Variants in MYCBP2 observed in about 807,000 individuals in gnomAD.
The protein encoded by MYCBP2 is MYC binding protein 2, also known as E3 ubiquitin-protein ligase MYCBP2.
A neutral mutation model predicts 525.3 loss-of-function variants in MYCBP2; 120 were observed. That is an observed-to-expected ratio of 0.23 (90% CI 0.20 to 0.27). The LOEUF (loss-of-function observed/expected upper bound fraction) is 0.27, where lower values mean the gene tolerates loss of function less well. Ranked by LOEUF, MYCBP2 falls within the 10% of genes least tolerant of loss-of-function variation. MYCBP2 has a pLI of 1.00. For missense variants in MYCBP2, 4,149 were observed against 5,657.1 expected, an observed-to-expected ratio of 0.73 and a Z score of 8.55; for synonymous variants, 1,894 against 1,955.8, an observed-to-expected ratio of 0.97 and a Z score of 0.83.
intron 30 of MYCBP2, among the ~76,000 whole-genome samples, chr13:77,186,600 T>A (rs1486938360): frequency 6.6e-6 from 1 of 152,128 alleles, no homozygotes; most frequent in Non-Finnish European, 1.5e-5. Flanking sequence ...AAAAATTGAC[T>A]AGAAAATACT....
chr13:77,061,713 G>A lies in MYCBP2; in HGVS notation c.12852C>T (p.Asp4284=). The change falls in exon 75 of 83, where the codon GAC becomes GAT. Residue 4284 remains aspartate (D), a synonymous_variant. Transcript: ENST00000544440. ...LCNVCGNLCT[D]CDRFLHLHRR... is the part of the protein sequence containing the mutation. ...GATGAAGGTGAAGGAATCTGTCACA[G>A]TCTGTACATAAATTTCCACAGACAT... 1 of 1,612,526 alleles carries A rather than the reference G, an allele frequency of 6.2e-7. No homozygotes were observed. The highest frequency in any genetic ancestry group is 8.5e-7 in the Non-Finnish European group (1 of 1,179,440).
intron 62 of MYCBP2, among the ~76,000 whole-genome samples, chr13:77,083,890 G>A (rs182169955): frequency 1.8e-4 from 27 of 152,194 alleles, no homozygotes; most frequent in Middle Eastern, 3.4e-3. Context: ...TCTATTACCA[G>A]TTTCTTGGAC....
At position 77,068,648 on chromosome 13, in the gene MYCBP2, G is replaced by A. The variant is rs758703930; in HGVS notation, c.12088C>T (p.Arg4030Trp). ...VLALSGSNVGRQYLAQQLTLL... is the reference protein window; with the variant it reads ...VLALSGSNVGWQYLAQQLTLL... ...GTTAGCTGTTGAGCCAGATATTGCC[G>A]GCCAACGTTAGAGCCACTCAGTGCT... is the stretch of plus-strand genomic sequence containing the variant. The change falls in exon 70 of 83, where the codon CGG becomes TGG. Residue 4030 changes from arginine (R) to tryptophan (W), a missense_variant. Arg to Trp is a moderately radical substitution (Grantham distance 101). Transcript: ENST00000544440. 2.5e-6 allele frequency: 4 copies of A among 1,614,102 alleles called. No individual in the cohort carries two copies. Among genetic ancestry groups the A allele is most frequent in the Admixed American group, 1.7e-5 (1 of 60,006 alleles).
intron 1 of MYCBP2, 96 bp from the exon 2 acceptor site, chr13:77,296,770 A>T (rs2078234313): frequency 1.0e-6 from 1 of 997,462 alleles, no homozygotes; most frequent in Non-Finnish European, 1.4e-6. Context: ...AGACATTTGG[A>T]TCTTTTTCTT....
chr13:77,298,659 T>C (rs765578318), intron 1 of MYCBP2, among the ~76,000 whole-genome samples: 2 of 152,212 alleles, frequency 1.3e-5, no homozygotes, highest in Non-Finnish European at 2.9e-5. Context: ...CATGAGTGCA[T>C]TTAAAGCATC....
At chr13:77,223,130 C>T (rs2065818979) in intron 20 of MYCBP2, among the ~76,000 whole-genome samples, 1 of 152,186 alleles carries the variant, frequency 6.6e-6, no homozygotes, top group African/African-American at 2.4e-5. Flanking sequence ...CTACAGAGAG[C>T]AGAGTTAACT....
chr13:77,202,154 A>G (rs971049331), intron 26 of MYCBP2, among the ~76,000 whole-genome samples: 3 of 152,242 alleles, frequency 2.0e-5, no homozygotes, highest in Non-Finnish European at 4.4e-5. Context: ...CAAGACTAAT[A>G]AAGAAAAAAA....
chr13:77,108,081 GAAC>G (rs1429123757), intron 55 of MYCBP2, among the ~76,000 whole-genome samples: 1 of 152,012 alleles, frequency 6.6e-6, no homozygotes, highest in African/African-American at 2.4e-5. Flanking sequence ...TAGAATGAAA[GAAC>G]AACATTTTAA....
At chr13:77,167,691 C>T (rs1310530369) in intron 40 of MYCBP2, among the ~76,000 whole-genome samples, 1 of 152,070 alleles carries the variant, frequency 6.6e-6, no homozygotes, top group African/African-American at 2.4e-5. Flanking sequence ...ATTTTGGAGA[C>T]ATTGTATCAA....
intron 55 of MYCBP2, among the ~76,000 whole-genome samples, chr13:77,105,602 A>T (rs762389281): frequency 1.3e-5 from 2 of 151,944 alleles, no homozygotes; most frequent in Non-Finnish European, 2.9e-5. Context: ...AGATACATTG[A>T]TATCTATACA....
At chr13:77,116,938 C>T (rs1170456243) in intron 55 of MYCBP2, among the ~76,000 whole-genome samples, 1 of 151,966 alleles carries the variant, frequency 6.6e-6, no homozygotes, top group Non-Finnish European at 1.5e-5. Flanking sequence ...CTTTTGTCTG[C>T]TACTGCTATG....
intron 55 of MYCBP2, among the ~76,000 whole-genome samples, chr13:77,102,854 C>T (rs1283071529): frequency 1.3e-5 from 2 of 151,676 alleles, no homozygotes; most frequent in African/African-American, 4.8e-5. Context: ...TGCTTTATGC[C>T]TTGCACATAT....
At chr13:77,168,846 T>A (rs997613762) in intron 39 of MYCBP2, among the ~76,000 whole-genome samples, 200 bp from the exon 40 acceptor site, 23 of 152,250 alleles carry the variant, frequency 1.5e-4, no homozygotes, top group African/African-American at 4.6e-4. Flanking sequence ...TCTAAATCTA[T>A]ATTTTTAAAA....
chr13:77,300,757 G>T (rs2078697413), intron 1 of MYCBP2, among the ~76,000 whole-genome samples: 1 of 152,198 alleles, frequency 6.6e-6, no homozygotes, highest in Non-Finnish European at 1.5e-5. Flanking sequence ...TAAAGTAAGT[G>T]ATTAGATAGG....
intron 55 of MYCBP2, chr13:77,099,280 C>A: frequency 2.3e-6 from 1 of 438,626 alleles, no homozygotes; most frequent in Non-Finnish European, 4.1e-6. Context: ...TCAGTGATAT[C>A]TCAACCTCTG....
At chr13:77,206,925 G>A (rs1480235905) in intron 23 of MYCBP2, 100 bp from the exon 24 acceptor site, 2 of 1,081,390 alleles carry the variant, frequency 1.8e-6, no homozygotes, top group East Asian at 5.4e-5. Flanking sequence ...AAATAATATA[G>A]TCAGCTTAAA....
At chr13:77,083,264 G>A in intron 62 of MYCBP2, 72 bp from the exon 63 acceptor site, 1 of 1,327,818 alleles carries the variant, frequency 7.5e-7, no homozygotes, top group Non-Finnish European at 1.0e-6. Flanking sequence ...AGACTATTAT[G>A]TATACTTAAA....
chr13:77,081,419 T>C lies in MYCBP2; in HGVS notation c.11418+8A>G, dbSNP rs1173903600. ...CTAAAGAGCCGTAAATCACGTTTGCTTTCTTACCCCAAGATCTCGGGAATT... is the reference window on the plus strand; with the variant it reads ...CTAAAGAGCCGTAAATCACGTTTGCCTTCTTACCCCAAGATCTCGGGAATT... On this transcript the variant is annotated splice_region_variant and intron_variant, in intron 65 of 82. Transcript: ENST00000544440. This position sits in a 1 kb window ranked among gnomAD's most constrained non-coding sequence, Gnocchi z 4.6. The C allele has an allele frequency of 6.2e-7, 1 of 1,609,496 alleles. No individual in the cohort carries two copies. Among genetic ancestry groups the C allele is most frequent in the Non-Finnish European group, 8.5e-7 (1 of 1,178,166 alleles).
At chr13:77,062,758 C>T (rs1484777587) in intron 73 of MYCBP2, 61 bp from the exon 74 acceptor site, 31 of 1,288,302 alleles carry the variant, frequency 2.4e-5, no homozygotes, top group South Asian at 6.0e-5. Flanking sequence ...GAAATGCTGA[C>T]TGTGACACAT....
Sources: gnomAD v4.1 joint callset for allele counts (sites outside exome capture counted in the v4.1 genomes callset) on GRCh38, gnomAD v4.1.1 for gene constraint, Gnocchi (gnomAD v3.1) non-coding constraint, MANE v1.5 for transcripts, NCBI Gene and HGNC (gene_info 2026-07-23, HGNC 2026-07-21) for gene names.